Variants in LMNTD1 observed in about 807,000 individuals in gnomAD.
The protein encoded by LMNTD1 is lamin tail domain containing 1, also known as lamin tail domain-containing protein 1.
A neutral mutation model predicts 50.9 loss-of-function variants in LMNTD1; 35 were observed. That is an observed-to-expected ratio of 0.69 (90% CI 0.53 to 0.91). The LOEUF (loss-of-function observed/expected upper bound fraction) is 0.91. LMNTD1 is among the 40% of genes least tolerant of loss of function. The probability of loss-of-function intolerance (pLI) is 0.00; values close to 1 mark genes in which losing one functional copy is unlikely to be tolerated. For synonymous variants in LMNTD1, 153 were observed against 161.9 expected (o/e 0.94, Z 0.42); for missense variants, 470 against 475.5 (o/e 0.99, Z 0.11).
At position 25,512,761 on chromosome 12, in the gene LMNTD1, T is replaced by C. The variant is rs528876630; in HGVS notation, c.1189+6034A>G. On this transcript the variant is annotated intron_variant, in intron 8 of 9. Transcript: ENST00000458174. ...CTGAAAGAGACAAAGAGGGCAATTA[T>C]GGCAAGAGCTTTGGTAGTGCATGGG... is the stretch of plus-strand genomic sequence containing the variant. 2.0e-5 allele frequency among the ~76,000 whole-genome samples: 3 copies of C among 152,066 alleles called. No homozygotes were observed. The East Asian group carries it at 5.8e-4, about 29-fold the overall frequency.
chr12:25,621,771 A>G (rs1946477983), intron 1 of LMNTD1, among the ~76,000 whole-genome samples: 2 of 152,226 alleles, frequency 1.3e-5, no homozygotes, highest in South Asian at 4.1e-4. Flanking sequence ...CAAGAAGATT[A>G]CACTCTTGAG....
chr12:25,615,450 T>A lies in LMNTD1; in HGVS notation c.58+33044A>T, dbSNP rs577344256. Among the ~76,000 whole-genome samples the A allele has an allele frequency of 4.6e-5, 7 of 151,074 alleles. No homozygotes were observed. The South Asian group carries it at 1.0e-3, about 22-fold the overall frequency. On this transcript the variant is annotated intron_variant, in intron 1 of 7. Coordinates refer to the LMNTD1 transcript ENST00000445693. The stretch of plus-strand genomic sequence containing the variant: ...ATATAGCAGAACCATATCCTTTTTT[T>A]AATTTTTTAATTTTTTTTTTTGAGA...
intron 1 of LMNTD1, among the ~76,000 whole-genome samples, chr12:25,602,510 A>G (rs1445505746): frequency 6.6e-6 from 1 of 151,992 alleles, no homozygotes; most frequent in Admixed American, 6.6e-5. Context: ...TCATAGGACT[A>G]CCTTTTCTTG....
intron 1 of LMNTD1, among the ~76,000 whole-genome samples, chr12:25,645,858 T>C (rs942706769): frequency 6.6e-6 from 1 of 152,154 alleles, no homozygotes; most frequent in Non-Finnish European, 1.5e-5. Flanking sequence ...AGGTTCTCAG[T>C]AAATATTAAT....
intron 1 of LMNTD1, among the ~76,000 whole-genome samples, chr12:25,603,449 A>G (rs1008886366): frequency 2.6e-5 from 4 of 152,066 alleles, no homozygotes; most frequent in East Asian, 1.9e-4. Flanking sequence ...TGACATTGGT[A>G]TATCTGACTG....
At chr12:25,575,396 A>G (rs1009757143) in intron 1 of LMNTD1, among the ~76,000 whole-genome samples, 3 of 152,172 alleles carry the variant, frequency 2.0e-5, no homozygotes, top group Non-Finnish European at 4.4e-5. Context: ...TAGTGTCCCT[A>G]GTTAACTGTT....
intron 1 of LMNTD1, among the ~76,000 whole-genome samples, chr12:25,630,270 T>C (rs1946686579): frequency 6.6e-6 from 1 of 152,096 alleles, no homozygotes; most frequent in Non-Finnish European, 1.5e-5. Flanking sequence ...GTTGCTACAA[T>C]AAATTATCTA....
chr12:25,499,260 G>A (rs1223590586), intron 9 of LMNTD1, among the ~76,000 whole-genome samples: 3 of 151,572 alleles, frequency 2.0e-5, no homozygotes, highest in African/African-American at 7.2e-5. Flanking sequence ...TTTTTGTAGT[G>A]ACAGAGTTTC....
chr12:25,601,758 T>A (rs186520843), intron 1 of LMNTD1, among the ~76,000 whole-genome samples: 153 of 152,010 alleles, frequency 1.0e-3, no homozygotes, highest in Non-Finnish European at 1.7e-3. Flanking sequence ...GCAAAATAAG[T>A]TAATCCTTTT....
At chr12:25,593,195 A>C (rs1945751699) in intron 1 of LMNTD1, among the ~76,000 whole-genome samples, 1 of 151,854 alleles carries the variant, frequency 6.6e-6, no homozygotes, top group Non-Finnish European at 1.5e-5. Flanking sequence ...CCCACTCACC[A>C]CCATACTACC....
At position 25,508,367 on chromosome 12, in the gene LMNTD1, CA is replaced by C. The variant is rs142078209; in HGVS notation, c.1190-4568del. On this transcript the variant is annotated intron_variant, in intron 8 of 9. Transcript: ENST00000458174. ...TGTATGTTTTTGAATTTTATATACG[CA>C]AAAATCATTCAATACACATTCCTTT... is the stretch of plus-strand genomic sequence containing the variant. 3.6e-3 allele frequency among the ~76,000 whole-genome samples: 553 copies of C among 152,220 alleles called. 4 individuals carry two copies. Among genetic ancestry groups the C allele is most frequent in the African/African-American group, 0.013 (538 of 41,532 alleles).
chr12:25,519,320 G>C (rs279004), intron 7 of LMNTD1, among the ~76,000 whole-genome samples: 111,775 of 151,628 alleles, frequency 0.74, 42,241 homozygotes, highest in East Asian at 0.89. Flanking sequence ...GGCCGGCCGC[G>C]GTGGCTCACG....
intron 4 of LMNTD1, among the ~76,000 whole-genome samples, chr12:25,532,426 G>A (rs1942288351): frequency 6.6e-6 from 1 of 151,954 alleles, no homozygotes; most frequent in South Asian, 2.1e-4. Context: ...GGCCCTAAAT[G>A]CCAACTTTTA....
At chr12:25,481,865 TCACACA>T (rs138084240) in intron 9 of LMNTD1, among the ~76,000 whole-genome samples, 5,823 of 132,654 alleles carry the variant, frequency 0.044, 182 homozygotes, top group East Asian at 0.12. Flanking sequence ...TATTGCCTCT[TCACACA>T]CACACACACA....
intron 1 of LMNTD1, among the ~76,000 whole-genome samples, chr12:25,635,139 C>A (rs1337311471): frequency 6.6e-6 from 1 of 150,932 alleles, no homozygotes; most frequent in African/African-American, 2.4e-5. Context: ...ACTCTGGAGG[C>A]TGAGGGGGGA....
intron 1 of LMNTD1, among the ~76,000 whole-genome samples, chr12:25,639,603 C>T (rs1426604345): frequency 1.3e-5 from 2 of 152,054 alleles, no homozygotes; most frequent in Non-Finnish European, 2.9e-5. Flanking sequence ...ACAATAAGAT[C>T]CTGTTCTCAA....
At position 25,488,767 on chromosome 12, in the gene LMNTD1, C is replaced by G. The variant is rs1938762299; in HGVS notation, c.*23-12307G>C. On this transcript the variant is annotated intron_variant, in intron 9 of 9. Coordinates refer to ENST00000458174, the MANE Select transcript of LMNTD1 (RefSeq NM_001145728.2). Reference sequence around the variant, plus strand: ...ATTTTCCCCATCTTTGTGGTTTTATCTACTTTTGGTCTTTGATGATGGTGA... The same window carrying G: ...ATTTTCCCCATCTTTGTGGTTTTATGTACTTTTGGTCTTTGATGATGGTGA... Among the ~76,000 whole-genome samples the G allele has an allele frequency of 2.0e-5, 3 of 152,186 alleles. No individual in the cohort carries two copies. In the South Asian group the frequency reaches 6.2e-4, roughly 31 times the overall value.
chr12:25,524,591 T>G (rs1359931881), intron 6 of LMNTD1, among the ~76,000 whole-genome samples: 2 of 152,184 alleles, frequency 1.3e-5, no homozygotes, highest in African/African-American at 4.8e-5. Flanking sequence ...CCTGGAGCAA[T>G]GCACATACAA....
chr12:25,621,964 C>A (rs1170173893), intron 1 of LMNTD1, among the ~76,000 whole-genome samples: 1 of 152,184 alleles, frequency 6.6e-6, no homozygotes, highest in Non-Finnish European at 1.5e-5. Flanking sequence ...ATCAAAGTTA[C>A]TGTAGTATTC....
Sources: gnomAD v4.1 joint callset for allele counts (sites outside exome capture counted in the v4.1 genomes callset) on GRCh38, gnomAD v4.1.1 for gene constraint, MANE v1.5 for transcripts, NCBI Gene and HGNC (gene_info 2026-07-23, HGNC 2026-07-21) for gene names.